The following LRRFIP1 variants were observed in gnomAD, a reference collection of about 807,000 sequenced individuals.
The protein encoded by LRRFIP1 is leucine-rich repeat flightless-interacting protein 1.
In LRRFIP1, 62 loss-of-function variants were observed where a neutral mutation model predicts 104.4. The ratio of observed to expected loss-of-function variants is 0.59; its 90% CI spans 0.48 to 0.73. The LOEUF is 0.73. Among genes scored for constraint, LRRFIP1 ranks in the 30% least tolerant of loss-of-function variants. The pLI is 0.00. For missense variants in LRRFIP1, 796 were observed against 824.5 expected, an observed-to-expected ratio of 0.97 and a Z score of 0.42; for synonymous variants, 300 against 299.0, an observed-to-expected ratio of 1.00 and a Z score of -0.03.
intron 8 of LRRFIP1, among the ~76,000 whole-genome samples, chr2:237,732,755 T>A (rs56249670): frequency 0.026 from 3,924 of 152,330 alleles, 63 homozygotes; most frequent in Middle Eastern, 0.051. Context: ...TTTGTTTTTT[T>A]AAAAATATTT....
chr2:237,678,506 A>ATT (rs139560737), intron 1 of LRRFIP1, among the ~76,000 whole-genome samples: 1 of 150,514 alleles, frequency 6.6e-6, no homozygotes, highest in South Asian at 2.1e-4. Flanking sequence ...TCCTGAAACT[A>ATT]TTTTTTTTTC....
Position 237,650,646 on chromosome 2 carries a change from C to A in LRRFIP1, c.96+22906C>A, listed in dbSNP as rs1413211728. On this transcript the variant is annotated intron_variant, in intron 1 of 23. Coordinates refer to ENST00000308482, the MANE Select transcript of LRRFIP1 (RefSeq NM_001137550.2). The stretch of plus-strand genomic sequence containing the variant: ...GCAAGAGCAGAAGCCAGAGACCAGG[C>A]TGGACGTTGGCACAGTGACCGCAGG... 3.9e-5 allele frequency among the ~76,000 whole-genome samples: 6 copies of A among 152,352 alleles called. No individual in the cohort carries two copies. The South Asian group carries it at 1.0e-3, about 26-fold the overall frequency.
intron 1 of LRRFIP1, among the ~76,000 whole-genome samples, chr2:237,654,245 A>G (rs938159184): frequency 6.6e-6 from 1 of 152,240 alleles, no homozygotes; most frequent in Non-Finnish European, 1.5e-5. Context: ...TGGCCAATAG[A>G]TACGTGAAAA....
intron 1 of LRRFIP1, among the ~76,000 whole-genome samples, chr2:237,650,988 G>T (rs926361863): frequency 1.3e-5 from 2 of 152,158 alleles, no homozygotes; most frequent in East Asian, 3.8e-4. Context: ...TCACTCTGGG[G>T]TATGGGTTTC....
chr2:237,667,212 T>C (rs2149511628), intron 1 of LRRFIP1, among the ~76,000 whole-genome samples: 1 of 152,260 alleles, frequency 6.6e-6, no homozygotes, highest in South Asian at 2.1e-4. Flanking sequence ...TGGTAAGTGT[T>C]GTTCCCCTCC....
At chr2:237,725,358 A>C (rs1359184641) in intron 7 of LRRFIP1, among the ~76,000 whole-genome samples, 1 of 152,224 alleles carries the variant, frequency 6.6e-6, no homozygotes, top group Non-Finnish European at 1.5e-5. Flanking sequence ...GCTACACAGT[A>C]CAATAGAGCG....
chr2:237,756,481 T>C (rs2059280676), intron 16 of LRRFIP1, among the ~76,000 whole-genome samples: 3 of 152,178 alleles, frequency 2.0e-5, no homozygotes, highest in Middle Eastern at 3.2e-3. Context: ...CTAATCCTAT[T>C]TGATCAGGAC....
chr2:237,629,045 C>T (rs1389535424), intron 1 of LRRFIP1, among the ~76,000 whole-genome samples: 1 of 152,206 alleles, frequency 6.6e-6, no homozygotes, highest in Non-Finnish European at 1.5e-5. Context: ...CCATGGCATG[C>T]CCGCGCCTGG....
At chr2:237,651,359 C>A (rs1254621401) in intron 1 of LRRFIP1, among the ~76,000 whole-genome samples, 1 of 152,200 alleles carries the variant, frequency 6.6e-6, no homozygotes, top group Non-Finnish European at 1.5e-5. Flanking sequence ...TAATCAAATT[C>A]ACTTGAATTC....
intron 9 of LRRFIP1, 76 bp downstream of exon 9, chr2:237,733,894 G>C (rs772141798): frequency 3.0e-5 from 45 of 1,500,456 alleles, no homozygotes; most frequent in Non-Finnish European, 3.6e-5. Context: ...GCCCAGAGCC[G>C]GGGATGTGCC....
At chr2:237,714,943 G>A (rs2094266954) in intron 3 of LRRFIP1, among the ~76,000 whole-genome samples, 1 of 152,196 alleles carries the variant, frequency 6.6e-6, no homozygotes, top group Admixed American at 6.5e-5. Flanking sequence ...TTGTATACAC[G>A]GGAGTCTTTC....
At chr2:237,660,484 TGA>T (rs991066455) in intron 1 of LRRFIP1, among the ~76,000 whole-genome samples, 37 of 151,006 alleles carry the variant, frequency 2.5e-4, no homozygotes, top group African/African-American at 8.7e-4. Context: ...ACAGTGCTGA[TGA>T]GAGAGTCCAC....
At chr2:237,757,949 G>A (rs543159537) in intron 17 of LRRFIP1, among the ~76,000 whole-genome samples, 108 of 151,986 alleles carry the variant, frequency 7.1e-4, no homozygotes, top group African/African-American at 2.5e-3. Context: ...CCACCAGGCA[G>A]ATATCCCCAC....
At chr2:237,765,508 A>T (rs1349356160) in intron 19 of LRRFIP1, 3 of 973,248 alleles carry the variant, frequency 3.1e-6, no homozygotes, top group Non-Finnish European at 3.7e-6. Flanking sequence ...TCATCATTCA[A>T]AAGAGCAGTA....
At chr2:237,718,624 G>T (rs1372439168) in intron 4 of LRRFIP1, among the ~76,000 whole-genome samples, 1 of 152,168 alleles carries the variant, frequency 6.6e-6, no homozygotes, top group African/African-American at 2.4e-5. Context: ...TTGCTTTATT[G>T]CCTGGCCTCG....
At chr2:237,739,413 T>A in intron 11 of LRRFIP1, 104 bp downstream of exon 11, 1 of 1,007,082 alleles carries the variant, frequency 9.9e-7, no homozygotes, top group South Asian at 1.5e-5. Flanking sequence ...TACTCTGCGG[T>A]GATATTATTA....
chr2:237,678,007 C>T (rs1056444255), intron 1 of LRRFIP1, among the ~76,000 whole-genome samples: 8 of 152,294 alleles, frequency 5.3e-5, no homozygotes, highest in Middle Eastern at 3.4e-3. Flanking sequence ...TGCGTCACCT[C>T]GGGCGGACCA....
At chr2:237,763,250 C>A in intron 19 of LRRFIP1, 8 of 1,614,074 alleles carry the variant, frequency 5.0e-6, no homozygotes, top group Non-Finnish European at 6.8e-6. Context: ...GGACGAGAAA[C>A]CAATCAAGAC....
Position 237,711,151 on chromosome 2 carries a change from A to G in LRRFIP1, c.183+2521A>G, listed in dbSNP as rs2094061439. Among the ~76,000 whole-genome samples, 1 of 152,270 alleles carries G rather than the reference A, an allele frequency of 6.6e-6. No homozygotes were observed. The highest frequency in any genetic ancestry group is 1.5e-5 in the Non-Finnish European group (1 of 68,050). On this transcript the variant is annotated intron_variant, in intron 2 of 23. Transcript: ENST00000308482. This position sits in a 1 kb window ranked among gnomAD's most constrained non-coding sequence, Gnocchi z 4.4. ...GTCTTGGGCATTTAATTTTAGTATC[A>G]TGAAAAAGGGGTGCAGGGCAGCCCT... is the stretch of plus-strand genomic sequence containing the variant.
Sources: gnomAD v4.1 joint callset for allele counts (sites outside exome capture counted in the v4.1 genomes callset) on GRCh38, gnomAD v4.1.1 for gene constraint, Gnocchi (gnomAD v3.1) non-coding constraint, MANE v1.5 for transcripts, NCBI Gene and HGNC (gene_info 2026-07-23, HGNC 2026-07-21) for gene names.